The following GRIK2 variants were observed in gnomAD, a reference collection of about 807,000 sequenced individuals.
GRIK2 encodes glutamate receptor ionotropic, kainate 2.
A neutral mutation model predicts 100.3 loss-of-function variants in GRIK2; 32 were observed. The ratio of observed to expected loss-of-function variants is 0.32; its 90% confidence interval spans 0.24 to 0.43. GRIK2 has a LOEUF of 0.43. Among genes scored for constraint, GRIK2 ranks in the 20% least tolerant of loss-of-function variants. The probability of loss-of-function intolerance (pLI) is 1.00; values close to 1 mark genes in which losing one functional copy is unlikely to be tolerated. For synonymous variants in GRIK2, 417 were observed against 389.4 expected (o/e 1.07, Z -0.83); for missense variants, 843 against 1,114.9 (o/e 0.76, Z 3.47).
chr6:101,494,971 T>TTATATATATATATATATATATATATA (rs369006296), intron 2 of GRIK2, among the ~76,000 whole-genome samples: 1 of 107,956 alleles, frequency 9.3e-6, no homozygotes. Context: ...ATATATGCAT[T>TTATATATATATATATATATATATATA]TATATATATA....
intron 13 of GRIK2, among the ~76,000 whole-genome samples, chr6:101,925,977 G>A (rs886838625): frequency 6.6e-6 from 1 of 151,320 alleles, no homozygotes; most frequent in African/African-American, 2.4e-5. Context: ...TGTAAGCATG[G>A]CCTACTAAAT....
At chr6:101,716,750 A>G (rs1382015828) in intron 7 of GRIK2, among the ~76,000 whole-genome samples, 3 of 151,808 alleles carry the variant, frequency 2.0e-5, no homozygotes, top group African/African-American at 4.8e-5. Context: ...AAAGAATAAT[A>G]ATAAAACAAA....
At chr6:101,606,490 C>G (rs566706141) in intron 2 of GRIK2, among the ~76,000 whole-genome samples, 1 of 151,928 alleles carries the variant, frequency 6.6e-6, no homozygotes, top group African/African-American at 2.4e-5. Flanking sequence ...AGCCTTCTTT[C>G]TCTTGAGACC....
intron 2 of GRIK2, among the ~76,000 whole-genome samples, chr6:101,470,830 T>A (rs919790142): frequency 1.3e-5 from 2 of 152,258 alleles, no homozygotes; most frequent in East Asian, 3.9e-4. Context: ...TCCATCAAAT[T>A]TTTAGCTAAC....
At chr6:101,734,525 A>G (rs924671711) in intron 7 of GRIK2, among the ~76,000 whole-genome samples, 4 of 152,204 alleles carry the variant, frequency 2.6e-5, no homozygotes, top group Non-Finnish European at 4.4e-5. Context: ...TTAATCTCAT[A>G]TAAAGACATA....
At chr6:101,556,647 G>A (rs1290961446) in intron 2 of GRIK2, among the ~76,000 whole-genome samples, 1 of 151,984 alleles carries the variant, frequency 6.6e-6, no homozygotes, top group African/African-American at 2.4e-5. Flanking sequence ...TCTTATTAAT[G>A]TTTTACACAC....
intron 2 of GRIK2, among the ~76,000 whole-genome samples, chr6:101,517,403 A>G (rs537059662): frequency 6.6e-6 from 1 of 152,292 alleles, no homozygotes; most frequent in African/African-American, 2.4e-5. Context: ...TTGATAGCTC[A>G]GCTGGTAGAG....
chr6:101,538,973 G>A (rs1008953850), intron 2 of GRIK2, among the ~76,000 whole-genome samples: 1 of 151,200 alleles, frequency 6.6e-6, no homozygotes, highest in Non-Finnish European at 1.5e-5. Flanking sequence ...TAATTTGAAC[G>A]TGTCAGATAT....
chr6:101,517,249 A>T (rs1343169863), intron 2 of GRIK2, among the ~76,000 whole-genome samples: 1 of 152,146 alleles, frequency 6.6e-6, no homozygotes, highest in Non-Finnish European at 1.5e-5. Context: ...GCCACCTCTG[A>T]ACCTGAAACC....
intron 2 of GRIK2, among the ~76,000 whole-genome samples, chr6:101,401,224 C>G (rs1359457622): frequency 2.0e-5 from 3 of 152,160 alleles, no homozygotes; most frequent in Non-Finnish European, 4.4e-5. Context: ...CACCAATACT[C>G]TAAGGATTTA....
intron 2 of GRIK2, chr6:101,431,071 G>A (rs1769358250): frequency 3.9e-6 from 1 of 255,576 alleles, no homozygotes; most frequent in Admixed American, 4.0e-5. Context: ...ACATGGCAGG[G>A]GGTATCCAAG....
intron 2 of GRIK2, among the ~76,000 whole-genome samples, chr6:101,460,148 A>T (rs904835268): frequency 6.6e-6 from 1 of 152,098 alleles, no homozygotes; most frequent in Non-Finnish European, 1.5e-5. Context: ...TAGTTGTGCC[A>T]CGACAGTGTC....
rs764803469 is a variant in GRIK2 at position 101,457,736 on chromosome 6, A to G, written c.115+58344A>G. On this transcript the variant is annotated intron_variant, in intron 2 of 16. Transcript: ENST00000369134. ...TTACAGTTTTGGTGCTTCACAGTTT[A>G]CTTCTTTGAATTTTCTTTCAAACAA... 1.1e-4 allele frequency among the ~76,000 whole-genome samples: 17 copies of G among 152,000 alleles called. 1 individual carries two copies. Among genetic ancestry groups the G allele is most frequent in the Non-Finnish European group, 2.2e-4 (15 of 67,976 alleles).
intron 7 of GRIK2, among the ~76,000 whole-genome samples, chr6:101,699,121 A>G (rs1772699637): frequency 6.6e-6 from 1 of 152,154 alleles, no homozygotes; most frequent in Non-Finnish European, 1.5e-5. Flanking sequence ...AGCTGCTGCC[A>G]GGTTTGAAGT....
At chr6:101,457,142 T>C (rs1240954758) in intron 2 of GRIK2, among the ~76,000 whole-genome samples, 3 of 152,154 alleles carry the variant, frequency 2.0e-5, no homozygotes, top group Non-Finnish European at 4.4e-5. Context: ...GCTGCAGATA[T>C]GTAACTGTCA....
At chr6:101,797,835 T>G (rs1441026878) in intron 7 of GRIK2, among the ~76,000 whole-genome samples, 1 of 147,996 alleles carries the variant, frequency 6.8e-6, no homozygotes, top group Non-Finnish European at 1.5e-5. Context: ...AAACCATTAT[T>G]TATACATTTA....
rs183213804 is a variant in GRIK2, at chr6:101,837,991, C to G, written c.1317+19508C>G. Among the ~76,000 whole-genome samples, 668 of 152,036 alleles carry G rather than the reference C, an allele frequency of 4.4e-3. 4 individuals carry two copies. The highest frequency in any genetic ancestry group is 0.01 in the Middle Eastern group (3 of 294). ...GTCTAGGAAGGTCACTTTCTTTTCC[C>G]CTTCTCCCCCAAAGCACGTCATAAG... On this transcript the variant is annotated intron_variant, in intron 10 of 16. Transcript: ENST00000369134.
At chr6:101,589,912 T>TA (rs1475893579) in intron 2 of GRIK2, among the ~76,000 whole-genome samples, 1 of 152,104 alleles carries the variant, frequency 6.6e-6, no homozygotes, top group Non-Finnish European at 1.5e-5. Flanking sequence ...TCAACTTGTT[T>TA]ACCTACTTGA....
intron 2 of GRIK2, among the ~76,000 whole-genome samples, chr6:101,499,835 G>C (rs576701256): frequency 1.3e-5 from 2 of 152,268 alleles, no homozygotes; most frequent in East Asian, 3.9e-4. Context: ...GCTTACAACA[G>C]TGCTTGGCAA....
Sources: allele counts gnomAD v4.1 joint callset (sites outside exome capture counted in the v4.1 genomes callset), GRCh38; gene constraint gnomAD v4.1.1; transcripts MANE v1.5; gene names NCBI Gene and HGNC (gene_info 2026-07-23, HGNC 2026-07-21).